PGA5: variants seen among roughly 807,000 people sequenced by gnomAD.
The protein encoded by PGA5 is pepsinogen A5, also known as pepsin A-5.
Under a neutral mutation model 15.9 loss-of-function variants are expected in PGA5, and 19 were observed. The observed-to-expected ratio is 1.19, with a 90% CI of 0.83 to 1.75. The LOEUF is 1.75. Among genes scored for constraint, PGA5 ranks in the 40% most tolerant of loss-of-function variants. The pLI is 0.00. For synonymous variants in PGA5, 92 were observed against 95.8 expected, an observed-to-expected ratio of 0.96 and a Z score of 0.23; for missense variants, 224 against 246.4, an observed-to-expected ratio of 0.91 and a Z score of 0.61.
At position 61,251,257 on chromosome 11, in the gene PGA5, G is replaced by A. The variant is rs150783741; in HGVS notation, c.1143G>A (p.Gln381=). The A allele has an allele frequency of 5.5e-3, 8,801 of 1,611,794 alleles. 100 individuals are homozygous for A. The highest frequency in any genetic ancestry group is 0.03 in the Middle Eastern group (135 of 4,430). The change falls in exon 9 of 9, where the codon CAG becomes CAA. Residue 381 remains glutamine (Q), a synonymous_variant. Coordinates refer to ENST00000312403, the MANE Select transcript of PGA5 (RefSeq NM_014224.5). ...CCGTCTTCGACAGGGCAAACAACCA[G>A]GTCGGCCTGGCCCCTGTGGCTTAAG... ...YFTVFDRANN[Q]VGLAPVA
Position 61,251,410 on chromosome 11 carries a change from C to T in PGA5, c.*129C>T, listed in dbSNP as rs1398269877. On this transcript the variant is annotated 3_prime_UTR_variant, in exon 9 of 9. Transcript: ENST00000312403. ...GGTCTTGGCCCTGTTCCCTGTCCTACCAATAACGTAGAATAAAAACATAAC... is the reference window on the plus strand; with the variant it reads ...GGTCTTGGCCCTGTTCCCTGTCCTATCAATAACGTAGAATAAAAACATAAC... 3.4e-6 allele frequency: 5 copies of T among 1,473,142 alleles called. No individual in the cohort carries two copies. Among genetic ancestry groups the T allele is most frequent in the African/African-American group, 1.6e-5 (1 of 64,032 alleles). The allele number at this position is 1,473,142 out of a possible 1,614,324, so 91.3% of individuals were successfully genotyped here. A position where few individuals can be genotyped will look rare whatever the true frequency, so the allele number is the denominator to read the frequency against.
intron 5 of PGA5, among the ~76,000 whole-genome samples, chr11:61,247,832 C>A (rs1477714314): frequency 6.6e-6 from 1 of 151,974 alleles, no homozygotes; most frequent in Non-Finnish European, 1.5e-5. Flanking sequence ...AATCTGGGCA[C>A]TGTTAACATT....
At chr11:61,249,297 G>C (rs2134706462) in intron 6 of PGA5, 1 of 392,442 alleles carries the variant, frequency 2.5e-6, no homozygotes, top group South Asian at 2.3e-5. Flanking sequence ...CTGTTCCCCT[G>C]GCTGCTCCCC....
chr11:61,248,378 C>G (rs750801876), intron 5 of PGA5, 41 bp from the exon 6 acceptor site: 3 of 1,613,658 alleles, frequency 1.9e-6, no homozygotes, highest in African/African-American at 1.3e-5. Context: ...CACAAATGGA[C>G]GAACAAAAAA....
rs1156681521 is a variant in PGA5, at chr11:61,249,908, C to G, written c.919-8C>G. 6.2e-7 allele frequency: 1 copy of G among 1,613,488 alleles called. No individual in the cohort carries two copies. The highest frequency in any genetic ancestry group is 1.3e-5 in the African/African-American group (1 of 74,606). On this transcript the variant is annotated splice_polypyrimidine_tract_variant and splice_region_variant and intron_variant, in intron 7 of 8. Coordinates refer to ENST00000312403, the MANE Select transcript of PGA5 (RefSeq NM_014224.5). Reference sequence around the variant, plus strand: ...CCTTCTAACTTTTCTCACCCTCACTCTTTCCAGATGGTGGTCAGCTGCTCA... The same window carrying G: ...CCTTCTAACTTTTCTCACCCTCACTGTTTCCAGATGGTGGTCAGCTGCTCA...
chr11:61,248,974 C>G (rs1462709474), intron 6 of PGA5, among the ~76,000 whole-genome samples: 1 of 152,140 alleles, frequency 6.6e-6, no homozygotes, highest in Non-Finnish European at 1.5e-5. Flanking sequence ...CCACCCTCCC[C>G]TTCGGGGCCT....
At chr11:61,248,888 C>A (rs1244313983) in intron 6 of PGA5, among the ~76,000 whole-genome samples, 2 of 152,128 alleles carry the variant, frequency 1.3e-5, no homozygotes, top group African/African-American at 2.4e-5. Flanking sequence ...CACGCTCCTG[C>A]CACTCGAGGA....
rs1854096312 is a variant in PGA5, at chr11:61,248,441, G to C, written c.679G>C (p.Val227Leu). 2 of 1,613,684 alleles carry C rather than the reference G, an allele frequency of 1.2e-6. No homozygotes were observed. The highest frequency in any genetic ancestry group is 4.5e-5 in the East Asian group (2 of 44,890). ...CAGCGATGACAAGAGTGGCAGCGTG[G>C]TGATCTTTGGTGGCATTGACTCTTC... is the stretch of plus-strand genomic sequence containing the variant. The part of the protein sequence containing the change: ...LSADDKSGSV[V>L]IFGGIDSSYY... Residue 227 changes from valine (V) to leucine (L), a missense_variant, in exon 6 of 9, where the codon GTG becomes CTG. Coordinates refer to ENST00000312403, the MANE Select transcript of PGA5 (RefSeq NM_014224.5).
chr11:61,247,547 G>GC (rs1854081248), intron 5 of PGA5, among the ~76,000 whole-genome samples: 1 of 151,984 alleles, frequency 6.6e-6, no homozygotes, highest in African/African-American at 2.4e-5. Flanking sequence ...AAAGTGCTGG[G>GC]ATTACAGGCA....
chr11:61,248,658 C>G (rs1248597213), intron 6 of PGA5, 123 bp downstream of exon 6: 27 of 1,555,100 alleles, frequency 1.7e-5, no homozygotes, highest in Non-Finnish European at 2.2e-5. Context: ...GAACACACTC[C>G]AGGGGGAAGG....
At position 61,251,247 on chromosome 11, in the gene PGA5, C is replaced by A; in HGVS notation, c.1133C>A (p.Ala378Glu). ...IRQYFTVFDR[A>E]NNQVGLAPVA ...CAGTACTTTACCGTCTTCGACAGGG[C>A]AAACAACCAGGTCGGCCTGGCCCCT... The change falls in exon 9 of 9, where the codon GCA becomes GAA. Residue 378 changes from alanine (A) to glutamate (E), a missense_variant. Ala to Glu is a moderately radical substitution (Grantham distance 107). Coordinates refer to ENST00000312403, the MANE Select transcript of PGA5 (RefSeq NM_014224.5). 6.2e-7 allele frequency: 1 copy of A among 1,611,878 alleles called. No individual in the cohort carries two copies. Among genetic ancestry groups the A allele is most frequent in the Non-Finnish European group, 8.5e-7 (1 of 1,179,870 alleles).
chr11:61,249,605 G>A (rs182884836), intron 6 of PGA5, 64 bp from the exon 7 acceptor site: 209 of 1,613,030 alleles, frequency 1.3e-4, no homozygotes, highest in Non-Finnish European at 1.3e-4. Context: ...CTCACCTCCT[G>A]GTTCCTCCTT....
At chr11:61,248,629 A>G in intron 6 of PGA5, 94 bp downstream of exon 6, 1 of 1,571,422 alleles carries the variant, frequency 6.4e-7, no homozygotes, top group Non-Finnish European at 8.7e-7. Flanking sequence ...GAATCCCCCC[A>G]GGAACAGCTG....
intron 5 of PGA5, among the ~76,000 whole-genome samples, chr11:61,247,920 C>A (rs1854086989): frequency 6.6e-6 from 1 of 151,978 alleles, no homozygotes; most frequent in Non-Finnish European, 1.5e-5. Flanking sequence ...CAGCCTCTAC[C>A]CATGAGATGC....
intron 5 of PGA5, among the ~76,000 whole-genome samples, chr11:61,247,960 T>C (rs1451865437): frequency 6.6e-6 from 1 of 151,990 alleles, no homozygotes; most frequent in Non-Finnish European, 1.5e-5. Context: ...CACCCAATCA[T>C]GACAATCCAA....
chr11:61,248,320 A>G (rs780336391), intron 5 of PGA5, 99 bp from the exon 6 acceptor site: 14 of 1,613,566 alleles, frequency 8.7e-6, no homozygotes, highest in African/African-American at 1.3e-5. Context: ...ACAGCCCTGG[A>G]AAGTGCCCAA....
intron 8 of PGA5, 46 bp from the exon 9 acceptor site, chr11:61,251,086 G>T: frequency 6.2e-7 from 1 of 1,611,750 alleles, no homozygotes; most frequent in South Asian, 1.1e-5. Context: ...CGCCTATCAC[G>T]GCTGAATCGG....
At chr11:61,246,446 A>G (rs1854065834) in intron 5 of PGA5, among the ~76,000 whole-genome samples, 1 of 151,824 alleles carries the variant, frequency 6.6e-6, no homozygotes, top group South Asian at 2.1e-4. Flanking sequence ...CTTGGCCCCC[A>G]AAGATACCAT....
chr11:61,249,654 G>A lies in PGA5; in HGVS notation c.774-15G>A. ...CCTGAGGGCTCAGGGAGCTTAACTT[G>A]CTTCTTACCCTCAGCATCACCATGA... On this transcript the variant is annotated splice_polypyrimidine_tract_variant and intron_variant, in intron 6 of 8. Coordinates refer to ENST00000312403, the MANE Select transcript of PGA5 (RefSeq NM_014224.5). 6.2e-7 allele frequency: 1 copy of A among 1,613,574 alleles called. No homozygotes were observed. The highest frequency in any genetic ancestry group is 8.5e-7 in the Non-Finnish European group (1 of 1,179,834).
Sources: allele counts gnomAD v4.1 joint callset (sites outside exome capture counted in the v4.1 genomes callset), GRCh38; gene constraint gnomAD v4.1.1; transcripts MANE v1.5; gene names NCBI Gene and HGNC (gene_info 2026-07-23, HGNC 2026-07-21).